Variants in FIGNL2 observed in about 807,000 individuals in gnomAD.
The protein encoded by FIGNL2 is fidgetin like 2, also known as fidgetin-like protein 2.
For missense variants in FIGNL2, 1,060 were observed against 950.2 expected, an observed-to-expected ratio of 1.12 and a Z score of -1.52; for synonymous variants, 565 against 484.0, an observed-to-expected ratio of 1.17 and a Z score of -2.20.
chr12:51,822,551 AC>A (rs1939246116), intron 1 of FIGNL2, 127 bp from the exon 2 acceptor site: 1 of 1,002,414 alleles, frequency 1.0e-6, no homozygotes, highest in Admixed American at 2.2e-5. Context: ...TCCACCACCT[AC>A]CGCCCCACTC....
At chr12:51,838,615 G>C (rs141699588) in intron 1 of FIGNL2, among the ~76,000 whole-genome samples, 2 of 152,274 alleles carry the variant, frequency 1.3e-5, no homozygotes, top group Admixed American at 6.5e-5. Context: ...TTGTGAAATG[G>C]GGGGTGGAGA....
At chr12:51,848,077 C>A in intron 1 of FIGNL2, 1 of 920,708 alleles carries the variant, frequency 1.1e-6, no homozygotes, top group Non-Finnish European at 1.3e-6. Context: ...CCAGCCCCCA[C>A]CCCTCCCACA....
intron 1 of FIGNL2, among the ~76,000 whole-genome samples, chr12:51,840,569 C>T (rs1459274350): frequency 6.6e-6 from 1 of 152,112 alleles, no homozygotes; most frequent in Non-Finnish European, 1.5e-5. Context: ...AACCCTGTCT[C>T]TACTAAAAAT....
Position 51,821,400 on chromosome 12 carries a change from G to T in FIGNL2, c.1014C>A (p.Tyr338Ter). 6.6e-7 allele frequency: 1 copy of T among 1,526,442 alleles called. No homozygotes were observed. The allele number at this position is 1,526,442 out of a possible 1,614,324, so 94.6% of individuals were successfully genotyped here. Reference sequence around the variant, plus strand: ...TTTCAAAGGGCTCCAGTTGCGGGCCGTAGACGGGGGAGCCCAGGACCTTGA... The same window carrying T: ...TTTCAAAGGGCTCCAGTTGCGGGCCTTAGACGGGGGAGCCCAGGACCTTGA... ...VPLKVLGSPV[Y>*]GPQLEPFEKF... The change falls in exon 2 of 2, where the codon TAC becomes TAA. Residue 338 changes from tyrosine to a stop codon, truncating the protein, a stop_gained. Coordinates refer to ENST00000618634, the MANE Select transcript of FIGNL2 (RefSeq NM_001384995.1). LOFTEE classifies it low-confidence loss of function (END_TRUNC).
chr12:51,823,750 A>G (rs947627775), intron 1 of FIGNL2, among the ~76,000 whole-genome samples: 1 of 152,242 alleles, frequency 6.6e-6, no homozygotes, highest in South Asian at 2.1e-4. Context: ...ACGTATTCTC[A>G]TAGGTTCAGT....
chr12:51,820,775 G>A lies in FIGNL2; in HGVS notation c.1639C>T (p.Arg547Trp). ...RPAALDEATR[R>W]RFSLRFYVAL... ...ACGTAGAAGCGGAGAGAGAAGCGCC[G>A]GCGGGTCGCCTCGTCCAGAGCCGCG... The change falls in exon 2 of 2, where the codon CGG (arginine) becomes TGG (tryptophan). Residue 547 changes from arginine (R) to tryptophan (W), a missense_variant. Physicochemically the swap from Arg to Trp is moderately radical, Grantham distance 101. Transcript: ENST00000618634. The A allele has an allele frequency of 2.7e-6, 4 of 1,482,596 alleles. No individual in the cohort carries two copies. Among genetic ancestry groups the A allele is most frequent in the Non-Finnish European group, 3.6e-6 (4 of 1,125,290 alleles). 91.8% of individuals were successfully genotyped at this position (1,482,596 alleles called of 1,614,324 possible). A position where few individuals can be genotyped will look rare whatever the true frequency, so the allele number is the denominator to read the frequency against.
chr12:51,847,378 G>T (rs1020664312), intron 1 of FIGNL2: 7 of 985,444 alleles, frequency 7.1e-6, no homozygotes, highest in Non-Finnish European at 8.4e-6. Flanking sequence ...GGCTGGAACC[G>T]GGTCCCCACT....
chr12:51,823,016 G>C (rs894297034), intron 1 of FIGNL2, among the ~76,000 whole-genome samples: 2 of 152,208 alleles, frequency 1.3e-5, no homozygotes, highest in Admixed American at 6.5e-5. Flanking sequence ...TGGGCCTGAG[G>C]TCAGAGATGC....
intron 1 of FIGNL2, among the ~76,000 whole-genome samples, chr12:51,831,401 T>C (rs1430481876): frequency 1.3e-5 from 2 of 152,010 alleles, no homozygotes; most frequent in African/African-American, 4.8e-5. Flanking sequence ...TGGCACCCAC[T>C]CCCCACAGCA....
In FIGNL2 at chr12:51,821,433, G is replaced by T; in HGVS notation, c.981C>A (p.Gly327=). The change falls in exon 2 of 2, where the codon GGC becomes GGA. Residue 327 remains glycine (G), a synonymous_variant. Coordinates refer to ENST00000618634, the MANE Select transcript of FIGNL2 (RefSeq NM_001384995.1). ...AEEASGKYGG[G]VPLKVLGSPV... is the part of the protein sequence containing the mutation. ...GGGAGCCCAGGACCTTGAGGGGGAC[G>T]CCGCCACCGTACTTGCCCGACGCCT... is the stretch of plus-strand genomic sequence containing the variant. 1 of 1,537,992 alleles carries T rather than the reference G, an allele frequency of 6.5e-7. No individual in the cohort carries two copies.
chr12:51,821,195 C>A lies in FIGNL2; in HGVS notation c.1219G>T (p.Glu407Ter). The A allele has an allele frequency of 2.0e-6, 3 of 1,518,218 alleles. No homozygotes were observed. Among genetic ancestry groups the A allele is most frequent in the Non-Finnish European group, 1.8e-6 (2 of 1,139,844 alleles). The allele number at this position is 1,518,218 out of a possible 1,614,324, so 94.0% of individuals were successfully genotyped here. A position where few individuals can be genotyped will look rare whatever the true frequency, so the allele number is the denominator to read the frequency against. Residue 407 changes from glutamate (E) to a stop codon, truncating the protein, a stop_gained, in exon 2 of 2, where the codon GAG (glutamate) becomes TAG (stop). Transcript: ENST00000618634. LOFTEE classifies it low-confidence loss of function (END_TRUNC). ...QGALKAALEE[E>*]LVWPLLRPPA... is the part of the protein sequence containing the mutation. Reference sequence around the variant, plus strand: ...GGCCTGAGCAGGGGCCACACCAGCTCCTCCTCCAGCGCCGCCTTGAGCGCG... The same window carrying A: ...GGCCTGAGCAGGGGCCACACCAGCTACTCCTCCAGCGCCGCCTTGAGCGCG...
chr12:51,847,876 T>C (rs1297497754), intron 1 of FIGNL2: 1 of 967,506 alleles, frequency 1.0e-6, no homozygotes, highest in East Asian at 1.1e-4. Context: ...GTCCCCCTTG[T>C]TGCCTGTAGC....
In FIGNL2 at chr12:51,833,716, T is replaced by C. The variant is rs559004492; in HGVS notation, c.-11-11292A>G. On this transcript the variant is annotated intron_variant, in intron 1 of 1. Coordinates refer to ENST00000618634, the MANE Select transcript of FIGNL2 (RefSeq NM_001384995.1). ...CTAGCATCAAGTCTCTGCTTAGCCG[T>C]TGCCTCGGCAGACACTGTCCCCTTC... 1.2e-4 allele frequency among the ~76,000 whole-genome samples: 19 copies of C among 152,326 alleles called. No individual in the cohort carries two copies. The South Asian group carries it at 2.5e-3, about 20-fold the overall frequency.
intron 1 of FIGNL2, among the ~76,000 whole-genome samples, chr12:51,835,961 C>T (rs931408102): frequency 6.6e-6 from 1 of 152,114 alleles, no homozygotes; most frequent in Non-Finnish European, 1.5e-5. Flanking sequence ...CAGGCGTGCA[C>T]CACCATACCT....
At chr12:51,846,980 A>G in intron 1 of FIGNL2, 3 of 983,470 alleles carry the variant, frequency 3.1e-6, no homozygotes, top group Non-Finnish European at 3.6e-6. Flanking sequence ...CAGCCACCCC[A>G]GCAAGCCCCG....
Position 51,829,281 on chromosome 12 carries a change from C to G in FIGNL2, c.-11-6857G>C, listed in dbSNP as rs1255333471. On this transcript the variant is annotated intron_variant, in intron 1 of 1. Coordinates refer to ENST00000618634, the MANE Select transcript of FIGNL2 (RefSeq NM_001384995.1). ...TCCCAGGCTTTTTGTCTGCTGCTTACAACGGGTGCCCCAGGGGGTCTCTGG... is the reference window on the plus strand; with the variant it reads ...TCCCAGGCTTTTTGTCTGCTGCTTAGAACGGGTGCCCCAGGGGGTCTCTGG... Among the ~76,000 whole-genome samples, 4 of 152,244 alleles carry G rather than the reference C, an allele frequency of 2.6e-5. No homozygotes were observed. The East Asian group carries it at 7.7e-4, about 29-fold the overall frequency.
chr12:51,839,823 G>C (rs1939632087), intron 1 of FIGNL2, among the ~76,000 whole-genome samples: 1 of 152,156 alleles, frequency 6.6e-6, no homozygotes, highest in South Asian at 2.1e-4. Context: ...CCTGGTACAA[G>C]TGGCTCTCTA....
intron 1 of FIGNL2, among the ~76,000 whole-genome samples, chr12:51,831,539 G>A (rs1321720264): frequency 6.6e-6 from 1 of 152,226 alleles, no homozygotes; most frequent in Non-Finnish European, 1.5e-5. Flanking sequence ...TCCACAGGCT[G>A]TGGAAAGGCA....
intron 1 of FIGNL2, among the ~76,000 whole-genome samples, chr12:51,827,091 A>G (rs958877207): frequency 6.6e-6 from 1 of 152,058 alleles, no homozygotes; most frequent in Admixed American, 6.5e-5. Context: ...CCCCACCCCC[A>G]GGCCAGTTAC....
Sources: allele counts gnomAD v4.1 joint callset (sites outside exome capture counted in the v4.1 genomes callset), GRCh38; gene constraint gnomAD v4.1.1; transcripts MANE v1.5; gene names NCBI Gene and HGNC (gene_info 2026-07-23, HGNC 2026-07-21).